The following ZNF583 variants were observed in gnomAD, a reference collection of about 807,000 sequenced individuals.
ZNF583 encodes the protein zinc finger protein 583, also known as zinc finger protein L3-5.
Under a neutral mutation model 55.3 loss-of-function variants are expected in ZNF583, and 30 were observed. That is an observed-to-expected ratio of 0.54 (90% CI 0.41 to 0.74). ZNF583 has a LOEUF of 0.74. Ranked by LOEUF, ZNF583 falls within the 30% of genes least tolerant of loss-of-function variation. ZNF583 has a pLI of 0.00. For missense variants in ZNF583, 504 were observed against 664.7 expected (o/e 0.76, Z 2.66); for synonymous variants, 208 against 220.0 (o/e 0.95, Z 0.48).
At position 56,407,871 on chromosome 19, in the gene ZNF583, T is replaced by A. The variant is rs571427123; in HGVS notation, c.9+748T>A. 5.3e-5 allele frequency among the ~76,000 whole-genome samples: 8 copies of A among 152,246 alleles called. No homozygotes were observed. In the East Asian group the frequency reaches 1.4e-3, roughly 26 times the overall value. ...CTATAATAATGAAAACAGTTGATAG[T>A]GTGGAATGGAGCCAGAAGAAACATA... On this transcript the variant is annotated intron_variant, in intron 2 of 4. Coordinates refer to ENST00000333201, the MANE Select transcript of ZNF583 (RefSeq NM_152478.3).
Position 56,407,029 on chromosome 19 carries a change from G to T in ZNF583, c.-86G>T. ...ATGGTTTCTTTTCCTTCTCCAGCTC[G>T]ACTTTCTCAGGATACTGTCCCTCTC... On this transcript the variant is annotated 5_prime_UTR_variant, in exon 2 of 5. Transcript: ENST00000333201. 6.6e-7 allele frequency: 1 copy of T among 1,523,984 alleles called. No homozygotes were observed. The highest frequency in any genetic ancestry group is 1.2e-5 in the South Asian group (1 of 85,042). 94.4% of individuals were successfully genotyped at this position (1,523,984 alleles called of 1,614,324 possible).
intron 4 of ZNF583, among the ~76,000 whole-genome samples, chr19:56,417,285 T>C (rs1018711248): frequency 1.3e-5 from 2 of 152,222 alleles, no homozygotes; most frequent in African/African-American, 4.8e-5. Context: ...CTGAAGGAAT[T>C]ATACCATTCT....
chr19:56,406,619 G>A (rs563859062), intron 1 of ZNF583, among the ~76,000 whole-genome samples: 6 of 139,952 alleles, frequency 4.3e-5, no homozygotes, highest in African/African-American at 1.6e-4. Flanking sequence ...TGCAAGCTCC[G>A]CCTCCTGGGT....
intron 4 of ZNF583, among the ~76,000 whole-genome samples, chr19:56,417,361 T>C (rs542539720): frequency 1.3e-5 from 2 of 152,338 alleles, no homozygotes; most frequent in South Asian, 4.1e-4. Flanking sequence ...GTCAGTAGTA[T>C]TTTTAATTTT....
In ZNF583 at chr19:56,423,749, G is replaced by A. The variant is rs758973146; in HGVS notation, c.1091G>A (p.Arg364His). 7 of 1,613,028 alleles carry A rather than the reference G, an allele frequency of 4.3e-6. No homozygotes were observed. The highest frequency in any genetic ancestry group is 2.2e-5 in the East Asian group (1 of 44,814). Residue 364 changes from arginine (R) to histidine (H), a missense_variant, in exon 5 of 5, where the codon CGT becomes CAT. Around this residue, in one of 3 missense-constraint regions of ZNF583, gnomAD observed 237 missense variants for 373.0 expected, o/e 0.64. Coordinates refer to ENST00000333201, the MANE Select transcript of ZNF583 (RefSeq NM_152478.3). ...CNVCGKAFSH[R>H]GYLIVHQRIH... ...GTGTGTGGGAAAGCCTTTAGCCATC[G>A]TGGATACCTAATTGTACATCAGAGA...
chr19:56,419,039 CATTG>C (rs2147597940), intron 4 of ZNF583, among the ~76,000 whole-genome samples: 1 of 152,166 alleles, frequency 6.6e-6, no homozygotes, highest in East Asian at 1.9e-4. Flanking sequence ...TGGTGAATTA[CATTG>C]ATTGATTTTC....
rs1445844010 is a variant in ZNF583, at chr19:56,423,223, CAAAAG to C, written c.571_575del (p.Lys191LeufsTer7). ...AGAAAAAGCACATAAGCATGAACCA[CAAAAG>C]AAAAGTTACCGAAAAAAATCTGTTG... On this transcript the variant is annotated frameshift_variant, in exon 5 of 5. Coordinates refer to ENST00000333201, the MANE Select transcript of ZNF583 (RefSeq NM_152478.3). LOFTEE classifies it high-confidence loss of function. 1 of 1,612,596 alleles carries C rather than the reference CAAAAG, an allele frequency of 6.2e-7. No individual in the cohort carries two copies. Among genetic ancestry groups the C allele is most frequent in the Non-Finnish European group, 8.5e-7 (1 of 1,179,800 alleles).
intron 4 of ZNF583, chr19:56,421,456 T>C (rs1337468284): frequency 3.1e-5 from 31 of 985,256 alleles, no homozygotes; most frequent in Admixed American, 6.1e-5. Context: ...GATTTGCAAC[T>C]GTTTAGAGAG....
chr19:56,413,915 G>T, intron 2 of ZNF583, 44 bp from the exon 3 acceptor site: 1 of 1,612,520 alleles, frequency 6.2e-7, no homozygotes, highest in Non-Finnish European at 8.5e-7. Context: ...CTCATGTGAG[G>T]ATATGAACAC....
Position 56,423,319 on chromosome 19 carries a change from T to G in ZNF583, c.661T>G (p.Phe221Val). ...GAAATGTAATGATTGTGAGAAAGTC[T>G]TCAACCAGAGCTCATCCCTTACTCT... ...LLKCNDCEKV[F>V]NQSSSLTLHQ... is the part of the protein sequence containing the mutation. Residue 221 changes from phenylalanine to valine, a missense_variant, in exon 5 of 5, where the codon TTC (phenylalanine) becomes GTC (valine). Phe to Val is a conservative substitution (Grantham distance 50). This residue lies in a region of ZNF583 where 237 missense variants were observed against 373.0 expected (regional missense o/e 0.64). Transcript: ENST00000333201. 6.2e-7 allele frequency: 1 copy of G among 1,612,250 alleles called. No individual in the cohort carries two copies. Among genetic ancestry groups the G allele is most frequent in the Non-Finnish European group, 8.5e-7 (1 of 1,179,530 alleles).
Position 56,404,363 on chromosome 19 carries a change from C to G in ZNF583, c.-179C>G, listed in dbSNP as rs367599155. 0.018 allele frequency: 2,716 copies of G among 152,456 alleles called. 53 individuals carry two copies. Among genetic ancestry groups the G allele is most frequent in the East Asian group, 0.08 (412 of 5,156 alleles). The allele number at this position is 152,456 out of a possible 1,614,324, so 9.4% of individuals were successfully genotyped here. ...GCGGCGCCTTTGTGAGCGCGGCCGC[C>G]GGCCAGGATCGAGCCCTGGCCCGGG... is the stretch of plus-strand genomic sequence containing the variant. On this transcript the variant is annotated 5_prime_UTR_variant, in exon 1 of 5. Transcript: ENST00000333201. The surrounding 1 kb of genome is among the most constrained non-coding windows in gnomAD (Gnocchi z 5.2).
At position 56,415,634 on chromosome 19, in the gene ZNF583, G is replaced by C. The variant is rs1600367088; in HGVS notation, c.232+1194G>C. ...CTGTTGCCCAGGCTGGAGTGCAGTG[G>C]TGCACTGCAACCTCCACCTCCCAGG... On this transcript the variant is annotated intron_variant, in intron 4 of 4. Transcript: ENST00000333201. Among the ~76,000 whole-genome samples the C allele has an allele frequency of 3.3e-5, 5 of 152,272 alleles. 1 individual carries two copies. The highest frequency in any genetic ancestry group is 3.3e-4 in the Admixed American group (5 of 15,300).
intron 2 of ZNF583, among the ~76,000 whole-genome samples, chr19:56,410,123 C>T (rs2042214379): frequency 6.6e-6 from 1 of 152,104 alleles, no homozygotes; most frequent in South Asian, 2.1e-4. Flanking sequence ...CTCTTAATTT[C>T]TTCCTGTGTT....
rs1288113728 is a variant in ZNF583, at chr19:56,426,604, A to G, written c.*2236A>G. ...CCCTTAGGAAATGACGCTTTTCTCC[A>G]GCTCATAGTCAAAGGATATGAAGAG... On this transcript the variant is annotated 3_prime_UTR_variant, in exon 5 of 5. Transcript: ENST00000333201. 6.6e-6 allele frequency: 1 copy of G among 152,214 alleles called. No individual in the cohort carries two copies. The highest frequency in any genetic ancestry group is 2.4e-5 in the African/African-American group (1 of 41,464). 9.4% of individuals were successfully genotyped at this position (152,214 alleles called of 1,614,324 possible). A position where few individuals can be genotyped will look rare whatever the true frequency, so the allele number is the denominator to read the frequency against.
At chr19:56,407,370 G>A (rs1013503646) in intron 2 of ZNF583, among the ~76,000 whole-genome samples, 2 of 152,292 alleles carry the variant, frequency 1.3e-5, no homozygotes, top group African/African-American at 2.4e-5. Flanking sequence ...TCTGTTAGAA[G>A]CTTTCAAGAT....
intron 4 of ZNF583, among the ~76,000 whole-genome samples, chr19:56,415,479 T>G (rs1447460291): frequency 6.6e-6 from 1 of 152,214 alleles, no homozygotes; most frequent in African/African-American, 2.4e-5. Flanking sequence ...GTTTGAGAGA[T>G]AAAGCCTGAT....
In ZNF583 at chr19:56,404,980, G is replaced by T. The variant is rs576043659; in HGVS notation, c.-90+528G>T. On this transcript the variant is annotated intron_variant, in intron 1 of 4. Transcript: ENST00000333201. The surrounding 1 kb of genome is among the most constrained non-coding windows in gnomAD (Gnocchi z 5.2). ...TGTAAGACTGTGTGACAGTGTGTGT[G>T]ACTTTGTGAACAGAGCTTGACCGTG... 3.2e-4 allele frequency among the ~76,000 whole-genome samples: 48 copies of T among 152,268 alleles called. No individual in the cohort carries two copies. Among genetic ancestry groups the T allele is most frequent in the African/African-American group, 1.1e-3 (46 of 41,562 alleles).
At chr19:56,409,898 T>C (rs774260568) in intron 2 of ZNF583, among the ~76,000 whole-genome samples, 3 of 152,118 alleles carry the variant, frequency 2.0e-5, no homozygotes, top group Non-Finnish European at 4.4e-5. Context: ...GTATTTTTCC[T>C]TATTATTTTA....
Position 56,425,454 on chromosome 19 carries a change from C to T in ZNF583, c.*1086C>T, listed in dbSNP as rs547139845. On this transcript the variant is annotated 3_prime_UTR_variant, in exon 5 of 5. Transcript: ENST00000333201. ...CTAACTCCTGACGTCCGGTGATCCG[C>T]CTGCCTTGGCCTCCCAAAGTGCTGG... 1.3e-5 allele frequency: 2 copies of T among 152,328 alleles called. No homozygotes were observed. The highest frequency in any genetic ancestry group is 6.5e-5 in the Admixed American group (1 of 15,294). The allele number at this position is 152,328 out of a possible 1,614,324, so 9.4% of individuals were successfully genotyped here. A position where few individuals can be genotyped will look rare whatever the true frequency, so the allele number is the denominator to read the frequency against.
Sources: gnomAD v4.1 joint callset for allele counts (sites outside exome capture counted in the v4.1 genomes callset) on GRCh38, gnomAD v4.1.1 for gene constraint, gnomAD v4.1.1 regional missense constraint, Gnocchi (gnomAD v3.1) non-coding constraint, MANE v1.5 for transcripts, NCBI Gene and HGNC (gene_info 2026-07-23, HGNC 2026-07-21) for gene names.